GLT1D1: variants seen among roughly 807,000 people sequenced by gnomAD.
GLT1D1 encodes the protein glycosyltransferase 1 domain-containing protein 1.
GLT1D1 carries 21 observed loss-of-function variants against 28.7 expected under a neutral mutation model. That is an observed-to-expected ratio of 0.73 (90% CI 0.52 to 1.05). GLT1D1 has a LOEUF of 1.05. Among genes scored for constraint, GLT1D1 ranks in the 50% least tolerant of loss-of-function variants. The probability of loss-of-function intolerance (pLI) is 0.00; values close to 1 mark genes in which losing one functional copy is unlikely to be tolerated. For synonymous variants in GLT1D1, 147 were observed against 124.8 expected, an observed-to-expected ratio of 1.18 and a Z score of -1.19; for missense variants, 343 against 330.6, an observed-to-expected ratio of 1.04 and a Z score of -0.29.
intron 4 of GLT1D1, among the ~76,000 whole-genome samples, chr12:128,915,214 A>G (rs1871983790): frequency 6.6e-6 from 1 of 152,152 alleles, no homozygotes. Flanking sequence ...TGTTTTTAGC[A>G]CCTGCTTTCC....
At chr12:128,891,045 G>A (rs1868993076) in intron 3 of GLT1D1, among the ~76,000 whole-genome samples, 1 of 150,788 alleles carries the variant, frequency 6.6e-6, no homozygotes, top group African/African-American at 2.4e-5. Flanking sequence ...GGAGGTGTTG[G>A]TTGCAGTAAG....
intron 2 of GLT1D1, among the ~76,000 whole-genome samples, chr12:128,885,678 T>G (rs1957159070): frequency 6.6e-6 from 1 of 152,230 alleles, no homozygotes. Context: ...ATAGGTCAAA[T>G]TAGCTTTGAC....
chr12:128,962,307 G>A (rs577031416), intron 7 of GLT1D1, among the ~76,000 whole-genome samples: 1 of 152,250 alleles, frequency 6.6e-6, no homozygotes, highest in Non-Finnish European at 1.5e-5. Context: ...CTAGCTCTGG[G>A]TCTAGACACA....
In GLT1D1 at chr12:128,853,617, C is replaced by T. The variant is rs757120593; in HGVS notation, c.36C>T (p.His12=). 6 of 1,181,628 alleles carry T rather than the reference C, an allele frequency of 5.1e-6. No homozygotes were observed. The highest frequency in any genetic ancestry group is 6.4e-6 in the Non-Finnish European group (6 of 943,528). 73.2% of individuals were successfully genotyped at this position (1,181,628 alleles called of 1,614,324 possible). A position where few individuals can be genotyped will look rare whatever the true frequency, so the allele number is the denominator to read the frequency against. Residue 12 remains histidine (H), a synonymous_variant, in exon 1 of 8, where the codon CAC becomes CAT. Coordinates refer to ENST00000281703, the MANE Select transcript of GLT1D1 (RefSeq NM_144669.3). ...TGTTCCTGGCGGTGCTGCGGCCACA[C>T]ACCGGCAACGCGGTCACGGCCCAGC... is the stretch of plus-strand genomic sequence containing the variant.
intron 4 of GLT1D1, among the ~76,000 whole-genome samples, chr12:128,908,944 G>C (rs1197378408): frequency 6.7e-6 from 1 of 149,746 alleles, no homozygotes; most frequent in African/African-American, 2.5e-5. Context: ...GCGAGACTCC[G>C]TCTCAAAAAT....
chr12:128,890,041 T>C (rs565759206), intron 3 of GLT1D1, among the ~76,000 whole-genome samples: 1 of 152,356 alleles, frequency 6.6e-6, no homozygotes, highest in South Asian at 2.1e-4. Context: ...CCCAAAGTGC[T>C]GGGATTACGG....
At chr12:128,881,561 A>AATATATATATATATAT (rs1174737837) in intron 2 of GLT1D1, among the ~76,000 whole-genome samples, 69 of 33,684 alleles carry the variant, frequency 2.0e-3, no homozygotes, top group East Asian at 3.6e-3. Context: ...AAAAAAAAAA[A>AATATATATATATATAT]ATATATATAT....
intron 4 of GLT1D1, among the ~76,000 whole-genome samples, chr12:128,908,682 G>T (rs1045233371): frequency 6.6e-6 from 1 of 151,940 alleles, no homozygotes; most frequent in African/African-American, 2.4e-5. Flanking sequence ...GGGCGCGGTG[G>T]CTCACGCCTG....
At chr12:128,939,023 C>T (rs536794879) in intron 4 of GLT1D1, among the ~76,000 whole-genome samples, 2 of 152,174 alleles carry the variant, frequency 1.3e-5, no homozygotes, top group Non-Finnish European at 2.9e-5. Context: ...CCTCTCAGCA[C>T]CTCAGTAAGC....
chr12:128,931,409 G>C (rs561707553), intron 4 of GLT1D1, among the ~76,000 whole-genome samples: 1 of 151,744 alleles, frequency 6.6e-6, no homozygotes, highest in African/African-American at 2.4e-5. Context: ...CTGGGTTCAA[G>C]CGACTCTCCT....
chr12:128,889,455 G>A (rs1012832383), intron 3 of GLT1D1, among the ~76,000 whole-genome samples: 2 of 152,010 alleles, frequency 1.3e-5, no homozygotes, highest in Non-Finnish European at 2.9e-5. Flanking sequence ...ATAATCCTGG[G>A]GGCTGCCCTG....
Position 128,875,956 on chromosome 12 carries a change from T to C in GLT1D1, c.111T>C (p.Asp37=). The C allele has an allele frequency of 1.9e-6, 3 of 1,614,152 alleles. No homozygotes were observed. Among genetic ancestry groups the C allele is most frequent in the Non-Finnish European group, 2.5e-6 (3 of 1,179,978 alleles). ...CAGGGCACGTGTGCGTTTTGAAGGA[T>C]GCCTTTGACTTTGAAAGCCGATCTG... is the stretch of plus-strand genomic sequence containing the variant. The change falls in exon 2 of 8, where the codon GAT becomes GAC. Residue 37 remains aspartate (D), a synonymous_variant. Coordinates refer to ENST00000281703, the MANE Select transcript of GLT1D1 (RefSeq NM_144669.3).
intron 2 of GLT1D1, among the ~76,000 whole-genome samples, chr12:128,877,523 C>CTTTT (rs1425153716): frequency 1.3e-5 from 2 of 152,186 alleles, no homozygotes; most frequent in African/African-American, 2.4e-5. Flanking sequence ...ATGGGCACAT[C>CTTTT]TTACTATGTG....
At position 128,963,101 on chromosome 12, in the gene GLT1D1, G is replaced by A. The variant is rs144747257; in HGVS notation, c.639+5458G>A. Among the ~76,000 whole-genome samples the A allele has an allele frequency of 1.2e-3, 176 of 152,308 alleles. 1 individual carries two copies. The highest frequency in any genetic ancestry group is 0.01 in the Middle Eastern group (3 of 294). On this transcript the variant is annotated intron_variant, in intron 7 of 7. Transcript: ENST00000281703. ...CTCTGGATCAGGGATACCCCTTTCC[G>A]CTGAAAATGAGAACTGTAACTCAGC...
At chr12:128,884,852 T>C (rs61945001) in intron 2 of GLT1D1, among the ~76,000 whole-genome samples, 34,288 of 151,676 alleles carry the variant, frequency 0.23, 4,037 homozygotes, top group Admixed American at 0.29. Flanking sequence ...AGTAGTAGGT[T>C]TTAAGTGTTC....
chr12:128,936,553 A>G (rs1182104485), intron 4 of GLT1D1, among the ~76,000 whole-genome samples: 2 of 152,180 alleles, frequency 1.3e-5, no homozygotes, highest in East Asian at 3.9e-4. Context: ...GTTTTCTATT[A>G]AAGCTTCTTT....
At chr12:128,970,330 C>A (rs150661455) in intron 7 of GLT1D1, among the ~76,000 whole-genome samples, 8 of 152,328 alleles carry the variant, frequency 5.3e-5, no homozygotes, top group African/African-American at 1.9e-4. Flanking sequence ...CTCCCCTGAG[C>A]CCCACTTCCC....
chr12:128,939,336 C>T (rs1309858177), intron 4 of GLT1D1, among the ~76,000 whole-genome samples: 2 of 148,726 alleles, frequency 1.3e-5, no homozygotes, highest in Admixed American at 1.4e-4. Context: ...CCAAGGTGGG[C>T]GGATCACTTA....
chr12:128,945,018 T>C (rs184403031), intron 4 of GLT1D1: 113 of 613,112 alleles, frequency 1.8e-4, no homozygotes, highest in Middle Eastern at 1.3e-3. Context: ...CATTGTTCAA[T>C]TCCCACCTAT....
Sources: gnomAD v4.1 joint callset for allele counts (sites outside exome capture counted in the v4.1 genomes callset) on GRCh38, gnomAD v4.1.1 for gene constraint, MANE v1.5 for transcripts, NCBI Gene and HGNC (gene_info 2026-07-23, HGNC 2026-07-21) for gene names.